The following COX10 variants were observed in gnomAD, a reference collection of about 807,000 sequenced individuals.
COX10 encodes protoheme IX farnesyltransferase, mitochondrial.
Under a neutral mutation model 37.3 loss-of-function variants are expected in COX10, and 27 were observed. The ratio of observed to expected loss-of-function variants is 0.72; its 90% CI spans 0.53 to 1.00. The LOEUF is 1.00. Among genes scored for constraint, COX10 ranks in the 50% least tolerant of loss-of-function variants. COX10 has a pLI of 0.00. For synonymous variants in COX10, 222 were observed against 229.1 expected, an observed-to-expected ratio of 0.97 and a Z score of 0.28; for missense variants, 475 against 563.2, an observed-to-expected ratio of 0.84 and a Z score of 1.59.
chr17:14,201,658 C>T (rs1489970597), intron 6 of COX10, among the ~76,000 whole-genome samples: 1 of 152,184 alleles, frequency 6.6e-6, no homozygotes, highest in African/African-American at 2.4e-5. Flanking sequence ...CTTTCTGAGC[C>T]ATTTCTAGAG....
intron 4 of COX10, among the ~76,000 whole-genome samples, chr17:14,110,836 ACT>A (rs143980389): frequency 0.011 from 1,732 of 151,620 alleles, 25 homozygotes; most frequent in African/African-American, 0.04. Context: ...TTTGTCTCAT[ACT>A]CTCTTTGCCT....
At chr17:14,193,206 C>T (rs1440195332) in intron 6 of COX10, among the ~76,000 whole-genome samples, 1 of 152,184 alleles carries the variant, frequency 6.6e-6, no homozygotes, top group Non-Finnish European at 1.5e-5. Context: ...GCAAGGAAGC[C>T]GGCGGCGCTG....
At chr17:14,176,050 G>A (rs753509636) in intron 5 of COX10, among the ~76,000 whole-genome samples, 7 of 152,152 alleles carry the variant, frequency 4.6e-5, no homozygotes, top group Non-Finnish European at 8.8e-5. Context: ...AGCTGCCTGG[G>A]TAAAGTAGAC....
At chr17:14,127,389 T>A (rs1916365950) in intron 4 of COX10, among the ~76,000 whole-genome samples, 1 of 152,180 alleles carries the variant, frequency 6.6e-6, no homozygotes, top group South Asian at 2.1e-4. Flanking sequence ...TTATTTTTAC[T>A]CCATTACCTC....
At chr17:14,079,804 T>C (rs985187750) in intron 3 of COX10, among the ~76,000 whole-genome samples, 4 of 151,946 alleles carry the variant, frequency 2.6e-5, no homozygotes, top group Admixed American at 6.6e-5. Flanking sequence ...CAGATAGAGC[T>C]ATGGTTGTAC....
chr17:14,186,590 C>T (rs981798970), intron 5 of COX10, among the ~76,000 whole-genome samples: 4 of 151,932 alleles, frequency 2.6e-5, no homozygotes, highest in Admixed American at 2.0e-4. Flanking sequence ...ACCACTACAG[C>T]ATCAGTGCCC....
At chr17:14,080,872 G>GT (rs1176432799) in intron 3 of COX10, among the ~76,000 whole-genome samples, 2 of 150,960 alleles carry the variant, frequency 1.3e-5, no homozygotes, top group African/African-American at 2.4e-5. Flanking sequence ...TTATGTATTT[G>GT]TTTTTTTCAT....
chr17:14,160,812 A>G lies in COX10; in HGVS notation c.695+865A>G, dbSNP rs577481156. On this transcript the variant is annotated intron_variant, in intron 5 of 6. Transcript: ENST00000261643. ...GGGCAATAGAACCAGATGAAAAGAT[A>G]TAAGAACAAAAAGCTCACATCTACT... Among the ~76,000 whole-genome samples, 10 of 152,376 alleles carry G rather than the reference A, an allele frequency of 6.6e-5. No individual in the cohort carries two copies. In the East Asian group the frequency reaches 1.3e-3, roughly 21 times the overall value.
chr17:14,102,357 C>A, intron 4 of COX10, 115 bp downstream of exon 4: 1 of 1,462,056 alleles, frequency 6.8e-7, no homozygotes, highest in Non-Finnish European at 9.5e-7. Flanking sequence ...GCATTTGTAA[C>A]ACTATATATC....
intron 3 of COX10, among the ~76,000 whole-genome samples, chr17:14,080,237 T>TTTTTG: frequency 6.7e-6 from 1 of 148,332 alleles, no homozygotes; most frequent in African/African-American, 2.5e-5. Context: ...TTTTTTTTTT[T>TTTTTG]TTTTGAGACG....
At chr17:14,176,254 T>C (rs984462894) in intron 5 of COX10, among the ~76,000 whole-genome samples, 2 of 152,020 alleles carry the variant, frequency 1.3e-5, no homozygotes, top group African/African-American at 4.8e-5. Flanking sequence ...GTTACAGTGC[T>C]ATAGCTCTGT....
chr17:14,133,947 T>A (rs1229824474), intron 4 of COX10, among the ~76,000 whole-genome samples: 3 of 151,656 alleles, frequency 2.0e-5, no homozygotes, highest in African/African-American at 7.2e-5. Flanking sequence ...TTGTTTAATA[T>A]AATAGATGAT....
chr17:14,196,758 C>G (rs566665504), intron 6 of COX10, among the ~76,000 whole-genome samples: 1 of 152,294 alleles, frequency 6.6e-6, no homozygotes, highest in South Asian at 2.1e-4. Flanking sequence ...TCTCTCTCCA[C>G]TAGGGCTCCA....
At chr17:14,196,901 A>G (rs1906384192) in intron 6 of COX10, among the ~76,000 whole-genome samples, 1 of 152,174 alleles carries the variant, frequency 6.6e-6, no homozygotes, top group South Asian at 2.1e-4. Flanking sequence ...GTGACCCTCC[A>G]AGCGGGGAAA....
intron 4 of COX10, among the ~76,000 whole-genome samples, chr17:14,158,318 G>A (rs75179828): frequency 0.075 from 11,341 of 151,508 alleles, 502 homozygotes; most frequent in Middle Eastern, 0.12. Context: ...AAAATTAAAG[G>A]GAACACAACT....
chr17:14,163,874 A>G (rs1258396309), intron 5 of COX10, among the ~76,000 whole-genome samples: 2 of 151,884 alleles, frequency 1.3e-5, no homozygotes, highest in Non-Finnish European at 2.9e-5. Context: ...TTAAATTGTC[A>G]GCTTTGTTTT....
chr17:14,115,323 T>C (rs1251129777), intron 4 of COX10, among the ~76,000 whole-genome samples: 2 of 152,110 alleles, frequency 1.3e-5, no homozygotes, highest in Admixed American at 6.6e-5. Context: ...ACAAGTTGAA[T>C]TAAAATTTGG....
At chr17:14,118,359 C>A (rs1257071141) in intron 4 of COX10, among the ~76,000 whole-genome samples, 1 of 152,094 alleles carries the variant, frequency 6.6e-6, no homozygotes, top group African/African-American at 2.4e-5. Flanking sequence ...CAAGTCTTCC[C>A]ACAGTGCACT....
chr17:14,197,278 G>A (rs1275365336), intron 6 of COX10, among the ~76,000 whole-genome samples: 1 of 152,160 alleles, frequency 6.6e-6, no homozygotes. Context: ...CCTTTGTGGT[G>A]TCTGGCTCAT....
Sources: gnomAD v4.1 joint callset for allele counts (sites outside exome capture counted in the v4.1 genomes callset) on GRCh38, gnomAD v4.1.1 for gene constraint, MANE v1.5 for transcripts, NCBI Gene and HGNC (gene_info 2026-07-23, HGNC 2026-07-21) for gene names.